NBAS: variants seen among roughly 807,000 people sequenced by gnomAD.
The protein encoded by NBAS is NAG/BC035112 fusion.
In NBAS, 219 loss-of-function variants were observed where a neutral mutation model predicts 302.5. The observed-to-expected ratio is 0.72, with a 90% CI of 0.65 to 0.81. NBAS has a LOEUF of 0.81. Among genes scored for constraint, NBAS ranks in the 30% least tolerant of loss-of-function variants. The pLI, the probability that NBAS is intolerant of heterozygous loss-of-function variation, is 0.00. For missense variants in NBAS, 2,932 were observed against 2,841.6 expected, an observed-to-expected ratio of 1.03 and a Z score of -0.72; for synonymous variants, 1,118 against 1,021.6, an observed-to-expected ratio of 1.09 and a Z score of -1.80.
At chr2:14,889,627 C>G in the NBAS span, among the ~76,000 whole-genome samples, 2 of 152,174 alleles carry the variant, frequency 1.3e-5, no homozygotes, top group South Asian at 4.1e-4. Flanking sequence ...ATTGGCCTGG[C>G]ATAAAAAGCC....
chr2:14,830,632 G>A, the NBAS span, among the ~76,000 whole-genome samples: 14 of 152,232 alleles, frequency 9.2e-5, no homozygotes, highest in East Asian at 2.1e-3. Flanking sequence ...TGTTGCCTTC[G>A]TGTAAATGAG....
At chr2:15,147,696 G>T in the NBAS span, among the ~76,000 whole-genome samples, 1 of 152,040 alleles carries the variant, frequency 6.6e-6, no homozygotes, top group African/African-American at 2.4e-5. Flanking sequence ...TAAGGCAATT[G>T]CCCCCTTTCT....
the NBAS span, among the ~76,000 whole-genome samples, chr2:15,046,304 A>T: frequency 6.6e-6 from 1 of 152,220 alleles, no homozygotes. Flanking sequence ...TGAGATACAA[A>T]TCTATTCTAA....
chr2:15,152,535 C>T, the NBAS span, among the ~76,000 whole-genome samples: 4 of 152,208 alleles, frequency 2.6e-5, no homozygotes, highest in African/African-American at 9.6e-5. Flanking sequence ...TCACAGGGTG[C>T]TAACTGATCA....
intron 33 of NBAS, among the ~76,000 whole-genome samples, chr2:15,355,752 T>A (rs1318347423): frequency 6.6e-6 from 1 of 152,100 alleles, no homozygotes; most frequent in African/African-American, 2.4e-5. Flanking sequence ...CTGCTCCCAC[T>A]CTGCCTTCTG....
At chr2:15,095,524 G>A in the NBAS span, among the ~76,000 whole-genome samples, 22 of 152,322 alleles carry the variant, frequency 1.4e-4, no homozygotes, top group South Asian at 3.9e-3. Context: ...CCCACCACAC[G>A]TGGGAATTAT....
intron 25 of NBAS, 72 bp downstream of exon 25, chr2:15,415,474 A>T: frequency 7.4e-7 from 1 of 1,345,564 alleles, no homozygotes; most frequent in Non-Finnish European, 1.1e-6. Context: ...CTACCATAAA[A>T]ATTGTATAAA....
At chr2:15,235,681 T>G (rs1347792396) in intron 45 of NBAS, among the ~76,000 whole-genome samples, 1 of 152,152 alleles carries the variant, frequency 6.6e-6, no homozygotes, top group African/African-American at 2.4e-5. Context: ...TATTTATGAA[T>G]AAAATGAAAA....
chr2:14,888,990 T>C, the NBAS span, among the ~76,000 whole-genome samples: 1 of 152,204 alleles, frequency 6.6e-6, no homozygotes, highest in East Asian at 1.9e-4. Flanking sequence ...CTGGGCTGTG[T>C]CCTCTGTTCG....
chr2:15,045,019 CA>C, the NBAS span, among the ~76,000 whole-genome samples: 2 of 152,146 alleles, frequency 1.3e-5, no homozygotes, highest in African/African-American at 4.8e-5. Flanking sequence ...ATTTCAAAGG[CA>C]AGAGCCCATT....
chr2:14,921,186 A>AG, the NBAS span, among the ~76,000 whole-genome samples: 2 of 152,108 alleles, frequency 1.3e-5, no homozygotes, highest in African/African-American at 2.4e-5. Context: ...GCCCAAGGAG[A>AG]GGGGGAGAGA....
chr2:15,491,708 C>T lies in NBAS; in HGVS notation c.955-2686G>A, dbSNP rs548580158. Among the ~76,000 whole-genome samples, 4 of 151,626 alleles carry T rather than the reference C, an allele frequency of 2.6e-5. No homozygotes were observed. The South Asian group carries it at 8.4e-4, about 32-fold the overall frequency. On this transcript the variant is annotated intron_variant, in intron 11 of 51. Transcript: ENST00000281513. ...CTGAGATCGTGCCACTGCACTCCAGCCTGGGCGACAGAGTGAGACTCCATC... is the reference window on the plus strand; with the variant it reads ...CTGAGATCGTGCCACTGCACTCCAGTCTGGGCGACAGAGTGAGACTCCATC...
At chr2:15,500,541 A>ACACAC (rs1558392987) in intron 11 of NBAS, among the ~76,000 whole-genome samples, 2 of 125,914 alleles carry the variant, frequency 1.6e-5, no homozygotes, top group African/African-American at 2.8e-5. Flanking sequence ...CACACACACA[A>ACACAC]AATTAGAAAT....
chr2:15,506,512 C>T (rs1387616250), intron 10 of NBAS, among the ~76,000 whole-genome samples: 2 of 152,056 alleles, frequency 1.3e-5, no homozygotes, highest in Non-Finnish European at 2.9e-5. Context: ...AAAGAGAAGG[C>T]GAACCAAGGA....
the NBAS span, among the ~76,000 whole-genome samples, chr2:14,789,021 C>A: frequency 6.6e-6 from 1 of 152,236 alleles, no homozygotes; most frequent in Non-Finnish European, 1.5e-5. Context: ...TTTACCTAAG[C>A]AAGGCTGGGC....
At chr2:15,241,951 T>C (rs537564821) in intron 44 of NBAS, among the ~76,000 whole-genome samples, 196 of 152,310 alleles carry the variant, frequency 1.3e-3, no homozygotes, top group African/African-American at 4.3e-3. Context: ...TGCTTTTACT[T>C]GCCGTCTTGT....
intron 6 of NBAS, among the ~76,000 whole-genome samples, chr2:15,544,787 G>A (rs749314805): frequency 6.6e-6 from 1 of 152,100 alleles, no homozygotes; most frequent in Non-Finnish European, 1.5e-5. Context: ...CAAGGCGGGT[G>A]GATAACGAGG....
chr2:15,048,413 C>T, the NBAS span, among the ~76,000 whole-genome samples: 1 of 152,252 alleles, frequency 6.6e-6, no homozygotes, highest in Non-Finnish European at 1.5e-5. Context: ...TCCATCAGCT[C>T]AGCCCCCAGG....
chr2:15,507,461 T>A lies in NBAS; in HGVS notation c.886-3248A>T, dbSNP rs73915322. ...TCAGTCAACTTTGTTCATTCTCATA[T>A]AGTTTTCCAAAATTTTGATCTTAAA... On this transcript the variant is annotated intron_variant, in intron 10 of 51. Transcript: ENST00000281513. Among the ~76,000 whole-genome samples, 748 of 152,364 alleles carry A rather than the reference T, an allele frequency of 4.9e-3. 8 individuals are homozygous for A. The highest frequency in any genetic ancestry group is 0.017 in the African/African-American group (709 of 41,590).
Sources: gnomAD v4.1 joint callset for allele counts (sites outside exome capture counted in the v4.1 genomes callset) on GRCh38, gnomAD v4.1.1 for gene constraint, MANE v1.5 for transcripts, NCBI Gene and HGNC (gene_info 2026-07-23, HGNC 2026-07-21) for gene names.